RNF185: variants seen among roughly 807,000 people sequenced by gnomAD.
RNF185 encodes the protein E3 ubiquitin-protein ligase RNF185.
RNF185 carries 13 observed loss-of-function variants against 24.9 expected under a neutral mutation model. The ratio of observed to expected loss-of-function variants is 0.52; its 90% CI spans 0.34 to 0.83. The LOEUF is 0.83. Among genes scored for constraint, RNF185 ranks in the 40% least tolerant of loss-of-function variants. RNF185 has a pLI of 0.01. For missense variants in RNF185, 184 were observed against 244.7 expected, an observed-to-expected ratio of 0.75 and a Z score of 1.65; for synonymous variants, 79 against 90.3, an observed-to-expected ratio of 0.88 and a Z score of 0.71.
chr22:31,203,323 C>G (rs2048282139), intron 6 of RNF185, among the ~76,000 whole-genome samples: 1 of 152,190 alleles, frequency 6.6e-6, no homozygotes, highest in South Asian at 2.1e-4. Context: ...CCAGTTCTGC[C>G]TCTACCTTGA....
At chr22:31,170,249 T>C (rs907945444) in intron 1 of RNF185, among the ~76,000 whole-genome samples, 3 of 152,124 alleles carry the variant, frequency 2.0e-5, no homozygotes, top group African/African-American at 7.2e-5. Context: ...AGTGCAGTGG[T>C]GCAATCTCTG....
intron 3 of RNF185, 146 bp from the exon 4 acceptor site, chr22:31,195,323 A>G: frequency 1.7e-6 from 1 of 571,590 alleles, no homozygotes; most frequent in Non-Finnish European, 3.1e-6. Context: ...AGGAGAAGGA[A>G]TGGGAGTCAG....
At chr22:31,184,067 C>A (rs927282653) in intron 1 of RNF185, among the ~76,000 whole-genome samples, 5 of 151,316 alleles carry the variant, frequency 3.3e-5, no homozygotes, top group African/African-American at 1.2e-4. Context: ...GGCTGCCCCT[C>A]CCTTCCCGGA....
chr22:31,164,583 C>CTT lies in RNF185; in HGVS notation c.-49+4302_-49+4303dup, dbSNP rs200649012. Among the ~76,000 whole-genome samples the CTT allele has an allele frequency of 4.4e-3, 406 of 91,680 alleles. 1 individual carries two copies. The highest frequency in any genetic ancestry group is 0.01 in the East Asian group (43 of 4,140). The allele number at this position is 91,680 out of a possible 152,430, so 60.1% of individuals were successfully genotyped here. ...GATATCTGGGACAGTTCCTCATTGT[C>CTT]TTTTTTTTTTTTTTTTTTTTTTTGA... On this transcript the variant is annotated intron_variant, in intron 1 of 6. Coordinates refer to ENST00000326132, the MANE Select transcript of RNF185 (RefSeq NM_152267.4).
At chr22:31,184,194 C>T (rs1377293051) in intron 1 of RNF185, among the ~76,000 whole-genome samples, 1 of 151,412 alleles carries the variant, frequency 6.6e-6, no homozygotes, top group Non-Finnish European at 1.5e-5. Flanking sequence ...CTCCTCACTT[C>T]TCAGACAGGG....
rs551544190 is a variant in RNF185, at chr22:31,177,120, T to A, written c.-48-9927T>A. ...TGAATTATGCACTTGTTCCTTGTAC[T>A]GTGTCTACATCCTCCCCAGCATTCC... On this transcript the variant is annotated intron_variant, in intron 1 of 6. Coordinates refer to ENST00000326132, the MANE Select transcript of RNF185 (RefSeq NM_152267.4). Among the ~76,000 whole-genome samples, 18 of 152,288 alleles carry A rather than the reference T, an allele frequency of 1.2e-4. No homozygotes were observed. In the South Asian group the frequency reaches 3.7e-3, roughly 32 times the overall value.
At chr22:31,164,995 C>G (rs898515051) in intron 1 of RNF185, among the ~76,000 whole-genome samples, 1 of 152,102 alleles carries the variant, frequency 6.6e-6, no homozygotes, top group East Asian at 1.9e-4. Context: ...ACCGCAACAT[C>G]TGCCTCCCAG....
At chr22:31,201,398 A>G in intron 5 of RNF185, 100 bp from the exon 6 acceptor site, 1 of 832,404 alleles carries the variant, frequency 1.2e-6, no homozygotes, top group Non-Finnish European at 2.1e-6. Context: ...GAGAAGAGGC[A>G]GGTGCCACAT....
chr22:31,180,913 CTCTGTGTGTG>C (rs1311149753), intron 1 of RNF185, among the ~76,000 whole-genome samples: 182 of 60,874 alleles, frequency 3.0e-3, no homozygotes, highest in Middle Eastern at 0.01. Flanking sequence ...TTCTCTCTCT[CTCTGTGTGTG>C]TGTGTGTGTG....
At chr22:31,182,309 A>T (rs2048046687) in intron 1 of RNF185, among the ~76,000 whole-genome samples, 1 of 151,754 alleles carries the variant, frequency 6.6e-6, no homozygotes, top group African/African-American at 2.4e-5. Context: ...ATTTTTTTTG[A>T]GACAGAGTCA....
chr22:31,176,481 TTTTC>T (rs1256418796), intron 1 of RNF185, among the ~76,000 whole-genome samples: 2 of 146,492 alleles, frequency 1.4e-5, no homozygotes, highest in Non-Finnish European at 3.0e-5. Flanking sequence ...CATCCTGCTT[TTTTC>T]TTTTTCTTTT....
intron 1 of RNF185, among the ~76,000 whole-genome samples, chr22:31,175,107 A>G (rs2047969125): frequency 6.7e-6 from 1 of 150,030 alleles, no homozygotes; most frequent in African/African-American, 2.5e-5. Flanking sequence ...GTGGACGAAA[A>G]TGTGAAAAAG....
chr22:31,170,102 C>T (rs1047793323), intron 1 of RNF185, among the ~76,000 whole-genome samples: 1 of 152,206 alleles, frequency 6.6e-6, no homozygotes, highest in African/African-American at 2.4e-5. Flanking sequence ...GTGATAGTTT[C>T]TATAGCACCT....
rs773761482 is a variant in RNF185 at position 31,196,868 on chromosome 22, C to T, written c.309-68C>T. On this transcript the variant is annotated intron_variant, in intron 4 of 6. Coordinates refer to ENST00000326132, the MANE Select transcript of RNF185 (RefSeq NM_152267.4). ...GCCCTGACCCTGTTGGTAAAGAGCT[C>T]CAGGTCCTCACAGGGAGCAACTCAA... 5.0e-5 allele frequency: 79 copies of T among 1,591,446 alleles called. No homozygotes were observed. The Admixed American group carries it at 5.2e-4, about 10-fold the overall frequency.
Position 31,204,429 on chromosome 22 carries a change from T to C in RNF185, c.482-60T>C, listed in dbSNP as rs1478496351. On this transcript the variant is annotated intron_variant, in intron 6 of 6. Transcript: ENST00000326132. Reference sequence around the variant, plus strand: ...TGATGCTGTCAACTTCTGGCCTGAGTGGGCAGTGTGCATAGCTGCAGTGTT... The same window carrying C: ...TGATGCTGTCAACTTCTGGCCTGAGCGGGCAGTGTGCATAGCTGCAGTGTT... The C allele has an allele frequency of 3.1e-6, 3 of 978,848 alleles. No individual in the cohort carries two copies. The East Asian group carries it at 7.2e-5, about 23-fold the overall frequency. 60.6% of individuals were successfully genotyped at this position (978,848 alleles called of 1,614,324 possible).
chr22:31,198,174 A>C (rs2048225086), intron 5 of RNF185, among the ~76,000 whole-genome samples: 1 of 152,122 alleles, frequency 6.6e-6, no homozygotes, highest in Non-Finnish European at 1.5e-5. Context: ...TTTAAAATTT[A>C]ATTTTGGCAG....
chr22:31,177,804 A>G (rs2074018462), intron 1 of RNF185, among the ~76,000 whole-genome samples: 1 of 152,204 alleles, frequency 6.6e-6, no homozygotes, highest in Admixed American at 6.5e-5. Flanking sequence ...CCTGGTCTAG[A>G]AATTCTTGGA....
At chr22:31,196,227 T>G (rs979462672) in intron 4 of RNF185, among the ~76,000 whole-genome samples, 1 of 152,160 alleles carries the variant, frequency 6.6e-6, no homozygotes, top group African/African-American at 2.4e-5. Context: ...TAACTTCTAC[T>G]CATCTCTTAT....
At chr22:31,177,453 A>G (rs1229770819) in intron 1 of RNF185, among the ~76,000 whole-genome samples, 1 of 152,152 alleles carries the variant, frequency 6.6e-6, no homozygotes, top group Non-Finnish European at 1.5e-5. Context: ...GGGCTAGCCT[A>G]GGAACCTAAA....
Sources: gnomAD v4.1 joint callset for allele counts (sites outside exome capture counted in the v4.1 genomes callset) on GRCh38, gnomAD v4.1.1 for gene constraint, MANE v1.5 for transcripts, NCBI Gene and HGNC (gene_info 2026-07-23, HGNC 2026-07-21) for gene names.